The following FBXO48 variants were observed in gnomAD, a reference collection of about 807,000 sequenced individuals.
The protein encoded by FBXO48 is F-box only protein 48.
Under a neutral mutation model 14.3 loss-of-function variants are expected in FBXO48, and 12 were observed. That is an observed-to-expected ratio of 0.84 (90% CI 0.54 to 1.36). The LOEUF is 1.36. Among genes scored for constraint, FBXO48 ranks in the 40% most tolerant of loss-of-function variants. The probability of loss-of-function intolerance (pLI) is 0.00; values close to 1 mark genes in which losing one functional copy is unlikely to be tolerated. For missense variants in FBXO48, 177 were observed against 179.1 expected (o/e 0.99, Z 0.07); for synonymous variants, 53 against 61.7 (o/e 0.86, Z 0.66).
At position 68,466,374 on chromosome 2, in the gene FBXO48, C is replaced by G. The variant is rs1312943375; in HGVS notation, c.-264G>C. 6.6e-6 allele frequency: 1 copy of G among 152,186 alleles called. No individual in the cohort carries two copies. The highest frequency in any genetic ancestry group is 1.5e-5 in the Non-Finnish European group (1 of 68,060). The allele number at this position is 152,186 out of a possible 1,614,324, so 9.4% of individuals were successfully genotyped here. A position where few individuals can be genotyped will look rare whatever the true frequency, so the allele number is the denominator to read the frequency against. On this transcript the variant is annotated 5_prime_UTR_variant, in exon 2 of 4. It removes the in-frame stop codon of an upstream open reading frame in the 5' UTR. Coordinates refer to ENST00000377957, the MANE Select transcript of FBXO48 (RefSeq NM_001024680.3). Reference sequence around the variant, plus strand: ...TCTCTTTTCTAGACGAGCTACTCAGCTATGTTTTCGGACTTGCCAAGACCA... The same window carrying G: ...TCTCTTTTCTAGACGAGCTACTCAGGTATGTTTTCGGACTTGCCAAGACCA...
rs1392362625 is a variant in FBXO48 at position 68,461,946 on chromosome 2, A to T, written c.*2263T>A. 1 of 151,902 alleles carries T rather than the reference A, an allele frequency of 6.6e-6. No homozygotes were observed. The allele number at this position is 151,902 out of a possible 1,614,324, so 9.4% of individuals were successfully genotyped here. ...GGCTGCTCGGGAGGCTGACACAGAG[A>T]GTTGCTTGAACCTGGGAGGTGGAGG... On this transcript the variant is annotated 3_prime_UTR_variant, in exon 4 of 4. Transcript: ENST00000377957.
chr2:68,464,169 T>C lies in FBXO48; in HGVS notation c.*40A>G. 1 of 1,593,830 alleles carries C rather than the reference T, an allele frequency of 6.3e-7. No homozygotes were observed. The highest frequency in any genetic ancestry group is 2.2e-5 in the East Asian group (1 of 44,586). On this transcript the variant is annotated 3_prime_UTR_variant, in exon 4 of 4. Coordinates refer to ENST00000377957, the MANE Select transcript of FBXO48 (RefSeq NM_001024680.3). Reference sequence around the variant, plus strand: ...TGCAACCTAAGAGTCATTTAAGTTTTAAACTTTCAAAGACCTGAGATTTGT... The same window carrying C: ...TGCAACCTAAGAGTCATTTAAGTTTCAAACTTTCAAAGACCTGAGATTTGT...
intron 3 of FBXO48, 103 bp downstream of exon 3, chr2:68,464,737 C>T: frequency 2.4e-6 from 2 of 817,594 alleles, no homozygotes; most frequent in Admixed American, 4.4e-5. Flanking sequence ...CTGTGTTATT[C>T]TGCATATGTA....
Position 68,466,321 on chromosome 2 carries a change from T to C in FBXO48, c.-211A>G, listed in dbSNP as rs1196288920. 6.6e-6 allele frequency: 1 copy of C among 152,196 alleles called. No homozygotes were observed. The highest frequency in any genetic ancestry group is 1.5e-5 in the Non-Finnish European group (1 of 68,044). 9.4% of individuals were successfully genotyped at this position (152,196 alleles called of 1,614,324 possible). A position where few individuals can be genotyped will look rare whatever the true frequency, so the allele number is the denominator to read the frequency against. ...TGCAAGAGGAGAGGTTTGAGGTAAA[T>C]ACTTCTTTTAACTCAGCTGAACACA... On this transcript the variant is annotated 5_prime_UTR_variant, in exon 2 of 4. Transcript: ENST00000377957.
intron 2 of FBXO48, among the ~76,000 whole-genome samples, chr2:68,465,539 A>G (rs916984489): frequency 3.4e-5 from 5 of 147,056 alleles, no homozygotes; most frequent in Non-Finnish European, 7.6e-5. Flanking sequence ...AAAAAAAAGA[A>G]AAAAAAAAAA....
intron 3 of FBXO48, 143 bp from the exon 4 acceptor site, chr2:68,464,513 C>CT: frequency 1.4e-6 from 1 of 707,294 alleles, no homozygotes; most frequent in Non-Finnish European, 2.4e-6. Flanking sequence ...ATGTATGTGT[C>CT]TGTGTACGTG....
rs1675276211 is a variant in FBXO48 at position 68,462,008 on chromosome 2, C to G, written c.*2201G>C. 6.6e-6 allele frequency: 1 copy of G among 151,964 alleles called. No individual in the cohort carries two copies. The highest frequency in any genetic ancestry group is 2.4e-5 in the African/African-American group (1 of 41,324). 9.4% of individuals were successfully genotyped at this position (151,964 alleles called of 1,614,324 possible). A position where few individuals can be genotyped will look rare whatever the true frequency, so the allele number is the denominator to read the frequency against. On this transcript the variant is annotated 3_prime_UTR_variant, in exon 4 of 4. Coordinates refer to ENST00000377957, the MANE Select transcript of FBXO48 (RefSeq NM_001024680.3). ...CAAGATCATGCCACTGCACTCCAGC[C>G]TGGGTGACAGAGTGAGACTTCATCT...
At position 68,463,555 on chromosome 2, in the gene FBXO48, C is replaced by G. The variant is rs1675320040; in HGVS notation, c.*654G>C. ...TTCTGATGGTAAAGTGTTCTGGAAA[C>G]TTTCCACTTACTTTCAGCTCCTGAG... On this transcript the variant is annotated 3_prime_UTR_variant, in exon 4 of 4. Transcript: ENST00000377957. 6.6e-6 allele frequency: 1 copy of G among 151,848 alleles called. No homozygotes were observed. Among genetic ancestry groups the G allele is most frequent in the African/African-American group, 2.4e-5 (1 of 41,322 alleles). 9.4% of individuals were successfully genotyped at this position (151,848 alleles called of 1,614,324 possible).
At chr2:68,466,031 T>A (rs1250549393) in intron 2 of FBXO48, 113 bp downstream of exon 2, 1 of 152,218 alleles carries the variant, frequency 6.6e-6, no homozygotes, top group African/African-American at 2.4e-5. Flanking sequence ...TAATAGTCAC[T>A]GAAGACATCA....
rs1426439865 is a variant in FBXO48, at chr2:68,462,079, C to T, written c.*2130G>A. The T allele has an allele frequency of 6.6e-6, 1 of 152,246 alleles. No homozygotes were observed. Among genetic ancestry groups the T allele is most frequent in the Non-Finnish European group, 1.5e-5 (1 of 68,374 alleles). 9.4% of individuals were successfully genotyped at this position (152,246 alleles called of 1,614,324 possible). A position where few individuals can be genotyped will look rare whatever the true frequency, so the allele number is the denominator to read the frequency against. On this transcript the variant is annotated 3_prime_UTR_variant, in exon 4 of 4. Coordinates refer to ENST00000377957, the MANE Select transcript of FBXO48 (RefSeq NM_001024680.3). ...CAAAAACAAAAAACTGCCCCCCACC[C>T]CGGCCAAAAAAAACCACACACTTGG...
intron 2 of FBXO48, 120 bp downstream of exon 2, chr2:68,466,024 T>C (rs1179523221): frequency 6.6e-6 from 1 of 152,194 alleles, no homozygotes; most frequent in East Asian, 1.9e-4. Flanking sequence ...CTAAGGATAA[T>C]AGTCACTGAA....
intron 3 of FBXO48, 137 bp from the exon 4 acceptor site, chr2:68,464,507 ATG>A: frequency 5.5e-6 from 4 of 730,384 alleles, no homozygotes. Context: ...TAATAAATGT[ATG>A]TGTCTGTGTA....
chr2:68,464,761 C>A, intron 3 of FBXO48, 79 bp downstream of exon 3: 2 of 1,059,592 alleles, frequency 1.9e-6, no homozygotes, highest in Non-Finnish European at 2.8e-6. Context: ...CTGACTCCTC[C>A]AAGCAGAAGT....
chr2:68,464,600 C>T (rs533147628), intron 3 of FBXO48, among the ~76,000 whole-genome samples: 18 of 152,096 alleles, frequency 1.2e-4, no homozygotes, highest in Admixed American at 4.6e-4. Flanking sequence ...TTCTGGTTAA[C>T]GCAGGAAAAT....
chr2:68,464,497 TAATA>T (rs1414423667), intron 3 of FBXO48, 127 bp from the exon 4 acceptor site: 1 of 749,990 alleles, frequency 1.3e-6, no homozygotes, highest in Non-Finnish European at 2.2e-6. Flanking sequence ...ATACGTACAT[TAATA>T]AATGTATGTG....
rs1184604945 is a variant in FBXO48 at position 68,464,359 on chromosome 2, C to T, written c.318G>A (p.Leu106=). ...TCACTTTACTCTTCTGGTAATTCCT[C>T]AGCAGTATCACCTGAAAGAGGTAAA... is the stretch of plus-strand genomic sequence containing the variant. ...ESGYSWRVIL[L]RNYQKSKVKH... Residue 106 remains leucine (L), a synonymous_variant, in exon 4 of 4, where the codon CTG becomes CTA. Coordinates refer to ENST00000377957, the MANE Select transcript of FBXO48 (RefSeq NM_001024680.3). 6.2e-7 allele frequency: 1 copy of T among 1,613,576 alleles called. No homozygotes were observed. The highest frequency in any genetic ancestry group is 8.5e-7 in the Non-Finnish European group (1 of 1,179,858).
chr2:68,464,092 A>T lies in FBXO48; in HGVS notation c.*117T>A. 3 of 957,500 alleles carry T rather than the reference A, an allele frequency of 3.1e-6. No homozygotes were observed. In the South Asian group the frequency reaches 5.8e-5, roughly 18 times the overall value. The allele number at this position is 957,500 out of a possible 1,614,324, so 59.3% of individuals were successfully genotyped here. ...TTTACTTTTATAATAGTTCCATTTC[A>T]TTTTCTTTTAAAAAGGTGAACAACA... is the stretch of plus-strand genomic sequence containing the variant. On this transcript the variant is annotated 3_prime_UTR_variant, in exon 4 of 4. Coordinates refer to ENST00000377957, the MANE Select transcript of FBXO48 (RefSeq NM_001024680.3).
rs1055755566 is a variant in FBXO48, at chr2:68,460,533, A to ATT, written c.*3674_*3675dup. The ATT allele has an allele frequency of 1.4e-5, 2 of 140,424 alleles. No homozygotes were observed. Among genetic ancestry groups the ATT allele is most frequent in the African/African-American group, 6.2e-5 (2 of 32,086 alleles). The allele number at this position is 140,424 out of a possible 1,614,324, so 8.7% of individuals were successfully genotyped here. A position where few individuals can be genotyped will look rare whatever the true frequency, so the allele number is the denominator to read the frequency against. On this transcript the variant is annotated 3_prime_UTR_variant, in exon 4 of 4. Coordinates refer to ENST00000377957, the MANE Select transcript of FBXO48 (RefSeq NM_001024680.3). The stretch of plus-strand genomic sequence containing the variant: ...TAAACTATCTTTGGATATATCAAAT[A>ATT]TTTTATATATATATATATATACTTA...
chr2:68,465,580 A>G (rs1159651291), intron 2 of FBXO48, among the ~76,000 whole-genome samples: 1 of 151,786 alleles, frequency 6.6e-6, no homozygotes, highest in Non-Finnish European at 1.5e-5. Context: ...TTACGGAGAA[A>G]TGGTTCTTGC....
Sources: gnomAD v4.1 joint callset for allele counts (sites outside exome capture counted in the v4.1 genomes callset) on GRCh38, gnomAD v4.1.1 for gene constraint, MANE v1.5 for transcripts, NCBI Gene and HGNC (gene_info 2026-07-23, HGNC 2026-07-21) for gene names.